The following DEUP1 variants were observed in gnomAD, a reference collection of about 807,000 sequenced individuals.
DEUP1 encodes deuterosome assembly protein 1.
In DEUP1, 82 loss-of-function variants were observed where a neutral mutation model predicts 87.4. That is an observed-to-expected ratio of 0.94 (90% CI 0.78 to 1.13). The LOEUF is 1.13. Ranked by LOEUF, DEUP1 falls within the 50% of genes most tolerant of loss-of-function variation. DEUP1 has a pLI of 0.00. For missense variants in DEUP1, 663 were observed against 681.5 expected, an observed-to-expected ratio of 0.97 and a Z score of 0.30; for synonymous variants, 214 against 222.7, an observed-to-expected ratio of 0.96 and a Z score of 0.35.
chr11:93,337,302 A>C (rs566099288), intron 2 of DEUP1, among the ~76,000 whole-genome samples: 137 of 152,334 alleles, frequency 9.0e-4, no homozygotes, highest in South Asian at 1.5e-3. Flanking sequence ...GACTTTATGA[A>C]TCATAACTTT....
chr11:93,392,969 TCCTCCTCCTCCGAGC>T (rs1288816715), intron 9 of DEUP1, among the ~76,000 whole-genome samples: 4 of 135,946 alleles, frequency 2.9e-5, no homozygotes, highest in African/African-American at 7.9e-5. Flanking sequence ...CTCCTCCTCT[TCCTCCTCCTCCGAGC>T]CCTCCTCCTC....
intron 12 of DEUP1, among the ~76,000 whole-genome samples, chr11:93,414,738 A>C (rs1163326190): frequency 6.6e-6 from 1 of 152,184 alleles, no homozygotes; most frequent in African/African-American, 2.4e-5. Flanking sequence ...ACAGAAAGGG[A>C]AGCAATATAG....
At chr11:93,417,650 T>C (rs1171331658) in intron 13 of DEUP1, among the ~76,000 whole-genome samples, 3 of 151,480 alleles carry the variant, frequency 2.0e-5, no homozygotes, top group South Asian at 4.2e-4. Flanking sequence ...AAGCTACCAA[T>C]GACTTTCTTC....
intron 7 of DEUP1, among the ~76,000 whole-genome samples, chr11:93,372,334 C>T (rs1258149121): frequency 1.3e-5 from 2 of 152,172 alleles, no homozygotes; most frequent in African/African-American, 2.4e-5. Context: ...TCACTTCCTC[C>T]ATGACAGTTG....
At chr11:93,428,158 C>T (rs1480111519) in intron 13 of DEUP1, among the ~76,000 whole-genome samples, 17 of 152,006 alleles carry the variant, frequency 1.1e-4, no homozygotes, top group South Asian at 1.0e-3. Context: ...ATGTTTATTG[C>T]GGCACTATTC....
In DEUP1 at chr11:93,355,593, T is replaced by A. The variant is rs942278196; in HGVS notation, c.201+51T>A. 1.3e-5 allele frequency: 19 copies of A among 1,456,148 alleles called. No homozygotes were observed. The African/African-American group carries it at 2.6e-4, about 20-fold the overall frequency. 90.2% of individuals were successfully genotyped at this position (1,456,148 alleles called of 1,614,324 possible). ...TGCTAATTCATCAGACTGTTACATA[T>A]AGTATTCTATCAGAATATGTTTTTA... On this transcript the variant is annotated intron_variant, in intron 3 of 13. Transcript: ENST00000298050.
At position 93,364,237 on chromosome 11, in the gene DEUP1, A is replaced by G. The variant is rs1405971083; in HGVS notation, c.375A>G (p.Leu125=). 6.2e-6 allele frequency: 10 copies of G among 1,609,912 alleles called. No homozygotes were observed. Among genetic ancestry groups the G allele is most frequent in the Admixed American group, 3.3e-5 (2 of 59,872 alleles). ...MKQNKVPRKE[L]PHLKEEIPFE... The stretch of plus-strand genomic sequence containing the variant: ...AAAACAAAGTTCCACGAAAAGAATT[A>G]CCACACCTTAAAGAAGAAATACCCT... Residue 125 remains leucine (L), a synonymous_variant, in exon 5 of 14, where the codon TTA becomes TTG. Coordinates refer to ENST00000298050, the MANE Select transcript of DEUP1 (RefSeq NM_181645.4).
chr11:93,355,988 AGGG>A (rs1944876237), intron 3 of DEUP1, among the ~76,000 whole-genome samples: 1 of 152,172 alleles, frequency 6.6e-6, no homozygotes, highest in Admixed American at 6.5e-5. Context: ...AGTTTGGTAA[AGGG>A]GTGTGTGTAT....
rs1463966009 is a variant in DEUP1 at position 93,412,680 on chromosome 11, G to A, written c.1524-2320G>A. Among the ~76,000 whole-genome samples, 3 of 152,262 alleles carry A rather than the reference G, an allele frequency of 2.0e-5. No individual in the cohort carries two copies. In the East Asian group the frequency reaches 5.8e-4, roughly 29 times the overall value. On this transcript the variant is annotated intron_variant, in intron 12 of 13. Coordinates refer to ENST00000298050, the MANE Select transcript of DEUP1 (RefSeq NM_181645.4). ...TGAAATCTCTGTGAGATAACAGAGA[G>A]ATATATACTTCTTGAATCGCTACTA... is the stretch of plus-strand genomic sequence containing the variant.
intron 13 of DEUP1, among the ~76,000 whole-genome samples, chr11:93,419,122 T>G (rs187145770): frequency 0.028 from 4,225 of 151,448 alleles, 91 homozygotes; most frequent in Non-Finnish European, 0.04. Context: ...GCATGTCACA[T>G]GTATACATAT....
rs1948294663 is a variant in DEUP1, at chr11:93,437,820, GTTCTGT to G, written c.*105_*110del. The G allele has an allele frequency of 7.3e-6, 5 of 689,626 alleles. No individual in the cohort carries two copies. The highest frequency in any genetic ancestry group is 1.3e-5 in the Non-Finnish European group (5 of 399,574). The allele number at this position is 689,626 out of a possible 1,614,324, so 42.7% of individuals were successfully genotyped here. On this transcript the variant is annotated 3_prime_UTR_variant, in exon 14 of 14. Coordinates refer to ENST00000298050, the MANE Select transcript of DEUP1 (RefSeq NM_181645.4). Reference sequence around the variant, plus strand: ...CTGATTAATGAAACCAAGAAATTCTGTTCTGTTTCCTTGAGTAAATAATTTCCGTAA... The same window carrying G: ...CTGATTAATGAAACCAAGAAATTCTGTTCCTTGAGTAAATAATTTCCGTAA...
At chr11:93,431,604 G>T (rs1483277238) in intron 13 of DEUP1, among the ~76,000 whole-genome samples, 1 of 152,146 alleles carries the variant, frequency 6.6e-6, no homozygotes, top group Non-Finnish European at 1.5e-5. Flanking sequence ...ATTTTTAAAA[G>T]ATCCTTTTTA....
chr11:93,414,457 C>T (rs1250183135), intron 12 of DEUP1, among the ~76,000 whole-genome samples: 2 of 151,854 alleles, frequency 1.3e-5, no homozygotes, highest in African/African-American at 2.4e-5. Flanking sequence ...CAGTGAGCTG[C>T]GATCGCGCCA....
chr11:93,347,458 G>T (rs567030377), intron 2 of DEUP1, among the ~76,000 whole-genome samples: 1 of 152,148 alleles, frequency 6.6e-6, no homozygotes, highest in South Asian at 2.1e-4. Context: ...GTTCATCAAG[G>T]ATATTAGCCT....
intron 3 of DEUP1, among the ~76,000 whole-genome samples, chr11:93,356,366 G>A (rs1944895580): frequency 1.3e-5 from 2 of 152,060 alleles, no homozygotes; most frequent in African/African-American, 4.8e-5. Context: ...GTAGAGGTAG[G>A]TCATCAAAAC....
intron 2 of DEUP1, among the ~76,000 whole-genome samples, chr11:93,335,926 C>T (rs544622708): frequency 1.4e-4 from 21 of 151,996 alleles, no homozygotes; most frequent in African/African-American, 4.6e-4. Flanking sequence ...ACCAGCCTGA[C>T]GAACATGGAG....
intron 8 of DEUP1, 43 bp from the exon 9 acceptor site, chr11:93,388,977 A>G (rs756080383): frequency 4.7e-6 from 5 of 1,065,066 alleles, no homozygotes; most frequent in Non-Finnish European, 7.0e-6. Flanking sequence ...CAATTTATCA[A>G]GTTAAGCTTA....
rs755048595 is a variant in DEUP1 at position 93,408,322 on chromosome 11, A to C, written c.1418A>C (p.Lys473Thr). 6.3e-7 allele frequency: 1 copy of C among 1,579,118 alleles called. No homozygotes were observed. The highest frequency in any genetic ancestry group is 8.6e-7 in the Non-Finnish European group (1 of 1,161,192). Reference protein sequence around the residue: ...ENERLRNDLAKLHVNGKSTWT... With the variant: ...ENERLRNDLATLHVNGKSTWT... ...GAAAGGCTCCGAAATGATCTTGCAAAACTTCATGTCAATGGAAAATCAACC... is the reference window on the plus strand; with the variant it reads ...GAAAGGCTCCGAAATGATCTTGCAACACTTCATGTCAATGGAAAATCAACC... Residue 473 changes from lysine (K) to threonine (T), a missense_variant, in exon 12 of 14, where the codon AAA becomes ACA. Physicochemically the swap from Lys to Thr is moderately conservative, Grantham distance 78 (BLOSUM62 -1). Coordinates refer to ENST00000298050, the MANE Select transcript of DEUP1 (RefSeq NM_181645.4).
At chr11:93,333,998 A>G in intron 2 of DEUP1, among the ~76,000 whole-genome samples, 1 of 152,252 alleles carries the variant, frequency 6.6e-6, no homozygotes, top group South Asian at 2.1e-4. Context: ...TTTAAGAAAC[A>G]GACCTTGTCT....
Sources: gnomAD v4.1 joint callset for allele counts (sites outside exome capture counted in the v4.1 genomes callset) on GRCh38, gnomAD v4.1.1 for gene constraint, MANE v1.5 for transcripts, NCBI Gene and HGNC (gene_info 2026-07-23, HGNC 2026-07-21) for gene names.